The following CDS1 variants were observed in gnomAD, a reference collection of about 807,000 sequenced individuals.
CDS1 encodes the protein phosphatidate cytidylyltransferase 1.
In CDS1, 41 loss-of-function variants were observed where a neutral mutation model predicts 62.1. That is an observed-to-expected ratio of 0.66 (90% CI 0.51 to 0.86). The LOEUF (loss-of-function observed/expected upper bound fraction) is 0.86. Among genes scored for constraint, CDS1 ranks in the 40% least tolerant of loss-of-function variants. The probability of loss-of-function intolerance (pLI) is 0.00; values close to 1 mark genes in which losing one functional copy is unlikely to be tolerated. For synonymous variants in CDS1, 185 were observed against 192.6 expected, an observed-to-expected ratio of 0.96 and a Z score of 0.32; for missense variants, 470 against 550.1, an observed-to-expected ratio of 0.85 and a Z score of 1.46.
At chr4:84,587,342 T>C (rs189210516) in intron 1 of CDS1, among the ~76,000 whole-genome samples, 1 of 152,350 alleles carries the variant, frequency 6.6e-6, no homozygotes, top group East Asian at 1.9e-4. Flanking sequence ...TTTTGGTCAT[T>C]TCCTATCACA....
At chr4:84,632,374 G>A (rs1474237990) in intron 6 of CDS1, among the ~76,000 whole-genome samples, 1 of 152,110 alleles carries the variant, frequency 6.6e-6, no homozygotes, top group African/African-American at 2.4e-5. Context: ...CTTAAGAAAT[G>A]TATCACTTTA....
Position 84,583,142 on chromosome 4 carries a change from G to A in CDS1, c.-260G>A, listed in dbSNP as rs1578008705. The A allele has an allele frequency of 1.4e-5, 6 of 416,078 alleles. No homozygotes were observed. In the East Asian group the frequency reaches 2.1e-4, roughly 15 times the overall value. The allele number at this position is 416,078 out of a possible 1,614,324, so 25.8% of individuals were successfully genotyped here. ...CCGCGTCTCCGCCTTCTCTGCTCGC[G>A]CCTGGCGCCCGGAGCCTGCCCGGGA... On this transcript the variant is annotated 5_prime_UTR_variant, in exon 1 of 13. Coordinates refer to ENST00000295887, the MANE Select transcript of CDS1 (RefSeq NM_001263.4).
rs1022808443 is a variant in CDS1 at position 84,651,092 on chromosome 4, T to C, written c.*2406T>C. On this transcript the variant is annotated 3_prime_UTR_variant, in exon 13 of 13. Coordinates refer to ENST00000295887, the MANE Select transcript of CDS1 (RefSeq NM_001263.4). Reference sequence around the variant, plus strand: ...CTTCCTCAGCGCTTTTTCCTTGTTGTGGTGACGTACATTCACTATCTGAGA... The same window carrying C: ...CTTCCTCAGCGCTTTTTCCTTGTTGCGGTGACGTACATTCACTATCTGAGA... 5 of 152,348 alleles carry C rather than the reference T, an allele frequency of 3.3e-5. No homozygotes were observed. Among genetic ancestry groups the C allele is most frequent in the Middle Eastern group, 3.4e-3 (1 of 294 alleles). The allele number at this position is 152,348 out of a possible 1,614,324, so 9.4% of individuals were successfully genotyped here. A position where few individuals can be genotyped will look rare whatever the true frequency, so the allele number is the denominator to read the frequency against.
intron 5 of CDS1, among the ~76,000 whole-genome samples, chr4:84,624,430 T>C (rs1002028225): frequency 2.0e-5 from 3 of 152,018 alleles, no homozygotes; most frequent in African/African-American, 4.8e-5. Flanking sequence ...ACTACTGTTA[T>C]TCCAGAAATT....
intron 1 of CDS1, among the ~76,000 whole-genome samples, chr4:84,601,552 G>A (rs571696352): frequency 5.2e-4 from 79 of 152,202 alleles, no homozygotes; most frequent in Non-Finnish European, 8.7e-4. Flanking sequence ...GAAAGTTGAG[G>A]ATCATTATCT....
At chr4:84,590,082 A>T (rs924843344) in intron 1 of CDS1, among the ~76,000 whole-genome samples, 2 of 152,176 alleles carry the variant, frequency 1.3e-5, no homozygotes, top group Admixed American at 1.3e-4. Flanking sequence ...AAGTGCTGGG[A>T]TTACAGGCAT....
At chr4:84,600,584 G>T (rs1722906240) in intron 1 of CDS1, among the ~76,000 whole-genome samples, 3 of 152,118 alleles carry the variant, frequency 2.0e-5, no homozygotes, top group Non-Finnish European at 4.4e-5. Context: ...CAACTTTGTT[G>T]TCAATCTGTT....
chr4:84,583,320 G>A lies in CDS1; in HGVS notation c.-82G>A. 4 of 1,024,612 alleles carry A rather than the reference G, an allele frequency of 3.9e-6. No homozygotes were observed. Among genetic ancestry groups the A allele is most frequent in the Non-Finnish European group, 5.8e-6 (4 of 689,712 alleles). The allele number at this position is 1,024,612 out of a possible 1,614,324, so 63.5% of individuals were successfully genotyped here. ...CCAGGGCGCGGCTGCGAGGTGGCGG[G>A]GCGCCCCGCCTGCAGAACCCTGCTT... is the stretch of plus-strand genomic sequence containing the variant. On this transcript the variant is annotated 5_prime_UTR_variant, in exon 1 of 13. Transcript: ENST00000295887.
chr4:84,585,930 A>G (rs566416151), intron 1 of CDS1, among the ~76,000 whole-genome samples: 1 of 152,334 alleles, frequency 6.6e-6, no homozygotes, highest in South Asian at 2.1e-4. Context: ...CATAGAGGGC[A>G]TGCTTGGCGT....
chr4:84,601,284 G>A (rs2110044157), intron 1 of CDS1, among the ~76,000 whole-genome samples: 1 of 152,306 alleles, frequency 6.6e-6, no homozygotes, highest in African/African-American at 2.4e-5. Context: ...TGTTAAGGTG[G>A]TGCCTAAGTT....
intron 1 of CDS1, among the ~76,000 whole-genome samples, chr4:84,598,997 G>T (rs1341718907): frequency 6.6e-6 from 1 of 152,072 alleles, no homozygotes; most frequent in Non-Finnish European, 1.5e-5. Context: ...AACTATAAAT[G>T]ATACTCACTA....
chr4:84,614,269 T>TA (rs895741278), intron 3 of CDS1, among the ~76,000 whole-genome samples: 5 of 151,936 alleles, frequency 3.3e-5, no homozygotes, highest in East Asian at 1.9e-4. Flanking sequence ...ACCAAACTTT[T>TA]AAAAAAAAGT....
At position 84,650,186 on chromosome 4, in the gene CDS1, A is replaced by G. The variant is rs1372971; in HGVS notation, c.*1500A>G. ...AAGATTGCCGTTATACCTGGGTTCC[A>G]CTGATGCAGTCAGCCAGCACCTCCT... On this transcript the variant is annotated 3_prime_UTR_variant, in exon 13 of 13. Transcript: ENST00000295887. 95,564 of 152,038 alleles carry G rather than the reference A, an allele frequency of 0.63. 30,495 individuals are homozygous for G. Among genetic ancestry groups the G allele is most frequent in the African/African-American group, 0.73 (30,362 of 41,458 alleles). 9.4% of individuals were successfully genotyped at this position (152,038 alleles called of 1,614,324 possible). A position where few individuals can be genotyped will look rare whatever the true frequency, so the allele number is the denominator to read the frequency against.
At position 84,650,887 on chromosome 4, in the gene CDS1, G is replaced by A. The variant is rs1724711928; in HGVS notation, c.*2201G>A. 1 of 152,078 alleles carries A rather than the reference G, an allele frequency of 6.6e-6. No individual in the cohort carries two copies. The highest frequency in any genetic ancestry group is 1.5e-5 in the Non-Finnish European group (1 of 68,038). 9.4% of individuals were successfully genotyped at this position (152,078 alleles called of 1,614,324 possible). A position where few individuals can be genotyped will look rare whatever the true frequency, so the allele number is the denominator to read the frequency against. ...AAGATTGCCATAAAACCCTGACTTG[G>A]CTCATTTTGATATTTGCACTGTGAA... On this transcript the variant is annotated 3_prime_UTR_variant, in exon 13 of 13. Transcript: ENST00000295887.
intron 1 of CDS1, among the ~76,000 whole-genome samples, chr4:84,589,876 C>T (rs1478116779): frequency 2.0e-5 from 3 of 152,034 alleles, no homozygotes; most frequent in Non-Finnish European, 4.4e-5. Flanking sequence ...AGTGGCGCGA[C>T]CTCGGCTCAC....
At chr4:84,610,162 A>G (rs1315522958) in intron 3 of CDS1, among the ~76,000 whole-genome samples, 2 of 152,236 alleles carry the variant, frequency 1.3e-5, no homozygotes, top group East Asian at 1.9e-4. Context: ...GATAAGTTCT[A>G]TGATAGAACA....
intron 1 of CDS1, among the ~76,000 whole-genome samples, chr4:84,595,121 A>G (rs1722708951): frequency 6.6e-6 from 1 of 152,228 alleles, no homozygotes. Flanking sequence ...TCAAAGCTGC[A>G]AAGAGGGAGA....
chr4:84,586,689 C>T (rs887174504), intron 1 of CDS1, among the ~76,000 whole-genome samples: 1 of 152,184 alleles, frequency 6.6e-6, no homozygotes. Flanking sequence ...TTGGGGACCC[C>T]TGGCTTAGAG....
At chr4:84,638,007 A>G (rs1724266237) in intron 8 of CDS1, among the ~76,000 whole-genome samples, 1 of 152,216 alleles carries the variant, frequency 6.6e-6, no homozygotes, top group Non-Finnish European at 1.5e-5. Context: ...CAAGAAGTCT[A>G]TGAAGAGCTC....
Sources: gnomAD v4.1 joint callset for allele counts (sites outside exome capture counted in the v4.1 genomes callset) on GRCh38, gnomAD v4.1.1 for gene constraint, MANE v1.5 for transcripts, NCBI Gene and HGNC (gene_info 2026-07-23, HGNC 2026-07-21) for gene names.